DCHS2: variants seen among roughly 807,000 people sequenced by gnomAD.
DCHS2 encodes dachsous cadherin-related 2, also known as protocadherin-23.
In DCHS2, 142 loss-of-function variants were observed where a neutral mutation model predicts 182.4. The observed-to-expected ratio is 0.78, with a 90% CI of 0.68 to 0.89. DCHS2 has a LOEUF of 0.89. Among genes scored for constraint, DCHS2 ranks in the 40% least tolerant of loss-of-function variants. The probability of loss-of-function intolerance (pLI) is 0.00; values close to 1 mark genes in which losing one functional copy is unlikely to be tolerated. For synonymous variants in DCHS2, 1,740 were observed against 1,663.3 expected, an observed-to-expected ratio of 1.05 and a Z score of -1.12; for missense variants, 4,319 against 4,198.6, an observed-to-expected ratio of 1.03 and a Z score of -0.79.
intron 1 of DCHS2, among the ~76,000 whole-genome samples, chr4:154,404,324 T>C (rs1274999622): frequency 2.0e-5 from 3 of 152,240 alleles, no homozygotes; most frequent in Admixed American, 6.5e-5. Context: ...GGATGTTTTC[T>C]TCTTTCTAGA....
intron 1 of DCHS2, among the ~76,000 whole-genome samples, chr4:154,396,192 A>G (rs1323691802): frequency 6.7e-6 from 1 of 149,864 alleles, no homozygotes; most frequent in African/African-American, 2.4e-5. Flanking sequence ...CTTTATTCTC[A>G]GCAGTAGAAG....
chr4:154,379,362 T>C (rs1400550533), intron 1 of DCHS2, among the ~76,000 whole-genome samples: 1 of 152,170 alleles, frequency 6.6e-6, no homozygotes, highest in Non-Finnish European at 1.5e-5. Context: ...CCAGCTTAGC[T>C]GCAAGGGAGG....
intron 17 of DCHS2, among the ~76,000 whole-genome samples, chr4:154,242,251 C>T (rs146960010): frequency 5.3e-5 from 8 of 152,232 alleles, no homozygotes; most frequent in Admixed American, 2.0e-4. Context: ...ATTCACTTCA[C>T]TAATTAGTTG....
intron 1 of DCHS2, among the ~76,000 whole-genome samples, chr4:154,475,244 G>T (rs983909517): frequency 6.6e-6 from 1 of 152,054 alleles, no homozygotes; most frequent in African/African-American, 2.4e-5. Context: ...AACAAAATCA[G>T]AAAGGGGCAA....
Position 154,235,910 on chromosome 4 carries a change from G to C in DCHS2, c.8742C>G (p.Val2914=). Reference sequence around the variant, plus strand: ...ATGAGGTTCCAAGGGAGTAAAGAATGACTCCATCAATACCAGCATCTGCAT... The same window carrying C: ...ATGAGGTTCCAAGGGAGTAAAGAATCACTCCATCAATACCAGCATCTGCAT... ...ASDADAGIDG[V]ILYSLGTSSP... The change falls in exon 20 of 20, where the codon GTC becomes GTG. Residue 2914 remains valine (V), a synonymous_variant. Coordinates refer to ENST00000357232, the MANE Select transcript of DCHS2 (RefSeq NM_001358235.2). The C allele has an allele frequency of 6.2e-7, 1 of 1,614,050 alleles. No individual in the cohort carries two copies. The highest frequency in any genetic ancestry group is 8.5e-7 in the Non-Finnish European group (1 of 1,179,954).
intron 1 of DCHS2, among the ~76,000 whole-genome samples, chr4:154,416,810 C>G (rs1164395478): frequency 1.3e-5 from 2 of 152,188 alleles, no homozygotes; most frequent in Non-Finnish European, 2.9e-5. Context: ...AGTGTCTGCT[C>G]CAGCTCCTCG....
At chr4:154,377,144 A>C (rs1730938841) in intron 2 of DCHS2, 109 bp downstream of exon 2, 3 of 1,049,752 alleles carry the variant, frequency 2.9e-6, no homozygotes, top group Non-Finnish European at 4.1e-6. Context: ...AGGTAGTGAC[A>C]CATGAAACAG....
chr4:154,460,290 G>A (rs1190813997), intron 1 of DCHS2, among the ~76,000 whole-genome samples: 1 of 152,212 alleles, frequency 6.6e-6, no homozygotes, highest in Non-Finnish European at 1.5e-5. Context: ...GACACACTTT[G>A]TGCTGAATGA....
chr4:154,261,976 A>G (rs1733006717), intron 14 of DCHS2: 1 of 152,190 alleles, frequency 6.6e-6, no homozygotes, highest in South Asian at 2.1e-4. Context: ...ATGTCACCAG[A>G]GCCCGAGTCT....
At chr4:154,419,650 CAAAAAAAAA>C (rs70947164) in intron 1 of DCHS2, among the ~76,000 whole-genome samples, 1 of 44,914 alleles carries the variant, frequency 2.2e-5, no homozygotes, top group African/African-American at 9.8e-5. Context: ...AACTCCATCT[CAAAAAAAAA>C]AAAAAAAAAA....
chr4:154,237,656 T>A (rs1731597861), intron 19 of DCHS2: 1 of 152,396 alleles, frequency 6.6e-6, no homozygotes, highest in Non-Finnish European at 1.5e-5. Context: ...TTCCTACAGA[T>A]CATGCAAGTC....
At chr4:154,245,966 G>A (rs1732050490) in intron 16 of DCHS2, among the ~76,000 whole-genome samples, 1 of 152,192 alleles carries the variant, frequency 6.6e-6, no homozygotes, top group South Asian at 2.1e-4. Context: ...TGATAACAGG[G>A]GAGGCTGTGC....
intron 14 of DCHS2, among the ~76,000 whole-genome samples, chr4:154,268,833 T>C (rs1733424984): frequency 6.6e-6 from 1 of 152,066 alleles, no homozygotes; most frequent in Non-Finnish European, 1.5e-5. Flanking sequence ...CCTAGGAAGA[T>C]TTTATCTGCA....
At chr4:154,257,885 C>G (rs79425370) in intron 15 of DCHS2, among the ~76,000 whole-genome samples, 1,800 of 152,306 alleles carry the variant, frequency 0.012, 23 homozygotes, top group African/African-American at 0.041. Flanking sequence ...GGGTCAGGCT[C>G]TCTCTCATTC....
chr4:154,417,204 T>TGTGAGTGAGA (rs1560745908), intron 1 of DCHS2, among the ~76,000 whole-genome samples: 1 of 39,476 alleles, frequency 2.5e-5, no homozygotes, highest in Admixed American at 3.5e-4. Context: ...TGTGTGTGTG[T>TGTGAGTGAGA]GAGAGAGAGA....
rs538818544 is a variant in DCHS2 at position 154,476,806 on chromosome 4, C to G, written c.2052+12498G>C. Among the ~76,000 whole-genome samples, 115 of 152,264 alleles carry G rather than the reference C, an allele frequency of 7.6e-4. 1 individual carries two copies. In the South Asian group the frequency reaches 0.01, roughly 13 times the overall value. On this transcript the variant is annotated intron_variant, in intron 1 of 19. Transcript: ENST00000357232. ...GGTATCAGGAAATGTCAGGTTCTATCTGATATATGATAAGAGATATTATCT... is the reference window on the plus strand; with the variant it reads ...GGTATCAGGAAATGTCAGGTTCTATGTGATATATGATAAGAGATATTATCT...
At chr4:154,445,990 T>G (rs1028616812) in intron 1 of DCHS2, among the ~76,000 whole-genome samples, 2 of 152,122 alleles carry the variant, frequency 1.3e-5, no homozygotes, top group African/African-American at 4.8e-5. Flanking sequence ...AGAGTTTCAT[T>G]ACTGAATTTA....
intron 16 of DCHS2, among the ~76,000 whole-genome samples, chr4:154,247,957 A>G (rs1732161226): frequency 6.6e-6 from 1 of 152,230 alleles, no homozygotes; most frequent in Non-Finnish European, 1.5e-5. Context: ...TCAGCCTTGC[A>G]ATAGGTTTAT....
chr4:154,235,232 G>A lies in DCHS2; in HGVS notation c.9420C>T (p.Asp3140=), dbSNP rs200455137. The A allele has an allele frequency of 1.2e-5, 20 of 1,614,060 alleles. No individual in the cohort carries two copies. The highest frequency in any genetic ancestry group is 1.6e-5 in the Non-Finnish European group (19 of 1,179,984). The change falls in exon 20 of 20, where the codon GAC becomes GAT. Residue 3140 remains aspartate, a synonymous_variant. Coordinates refer to ENST00000357232, the MANE Select transcript of DCHS2 (RefSeq NM_001358235.2). ...TTTCCCCAGATAGGCAGGAGAGCTG[G>A]TCTGAGTCCCTCGGGATACCCGAGT... ...VPDSGIPRDS[D]QLSCLSGETD... is the part of the protein sequence containing the mutation.
Sources: gnomAD v4.1 joint callset for allele counts (sites outside exome capture counted in the v4.1 genomes callset) on GRCh38, gnomAD v4.1.1 for gene constraint, MANE v1.5 for transcripts, NCBI Gene and HGNC (gene_info 2026-07-23, HGNC 2026-07-21) for gene names.